Variants in ASTN2 observed in about 807,000 individuals in gnomAD.
ASTN2 encodes the protein astrotactin-2.
A neutral mutation model predicts 139.8 loss-of-function variants in ASTN2; 54 were observed. The observed-to-expected ratio is 0.39, with a 90% CI of 0.31 to 0.48. The LOEUF is 0.48. Ranked by LOEUF, ASTN2 falls within the 20% of genes least tolerant of loss-of-function variation. ASTN2 has a pLI of 0.95. For synonymous variants in ASTN2, 756 were observed against 719.5 expected (o/e 1.05, Z -0.81); for missense variants, 1,565 against 1,725.1 (o/e 0.91, Z 1.64).
chr9:116,790,966 G>GGAAAGAAAGAAAGAAAGAAA (rs1180188046), intron 13 of ASTN2, among the ~76,000 whole-genome samples: 2 of 65,818 alleles, frequency 3.0e-5, no homozygotes, highest in Non-Finnish European at 6.4e-5. Flanking sequence ...AAAGAAAGAA[G>GGAAAGAAAGAAAGAAAGAAA]GAAAGAAAGA....
chr9:116,638,166 T>C (rs543206340), intron 17 of ASTN2, among the ~76,000 whole-genome samples: 10 of 152,144 alleles, frequency 6.6e-5, no homozygotes, highest in South Asian at 2.1e-4. Context: ...AACAATGAAA[T>C]GTAGAGAAGG....
At chr9:116,631,293 T>G (rs1856732109) in intron 17 of ASTN2, among the ~76,000 whole-genome samples, 1 of 152,174 alleles carries the variant, frequency 6.6e-6, no homozygotes, top group African/African-American at 2.4e-5. Flanking sequence ...CTGTTAACAA[T>G]AACCAAGATA....
intron 4 of ASTN2, among the ~76,000 whole-genome samples, chr9:117,115,400 C>T (rs1458923201): frequency 6.6e-6 from 1 of 151,922 alleles, no homozygotes; most frequent in East Asian, 1.9e-4. Flanking sequence ...GCCTGTAGTC[C>T]CAGTTACTAA....
chr9:117,080,024 C>T (rs894416442), intron 5 of ASTN2, among the ~76,000 whole-genome samples: 3 of 152,224 alleles, frequency 2.0e-5, no homozygotes, highest in African/African-American at 7.2e-5. Flanking sequence ...CCAAGGTTCA[C>T]ACCGCGAGGA....
Position 116,423,354 on chromosome 9 carries a change from T to C in ASTN2, c.*2497A>G, listed in dbSNP as rs1847233943. On this transcript the variant is annotated 3_prime_UTR_variant, in exon 23 of 23. Coordinates refer to ENST00000313400, the MANE Select transcript of ASTN2 (RefSeq NM_001365068.1). ...GACTCCACTTTGTTGATGAGAAACC[T>C]GATGTCAAGTTACTCCCTTAAGGGC... Among the ~76,000 whole-genome samples the C allele has an allele frequency of 6.6e-6, 1 of 152,216 alleles. No homozygotes were observed. Among genetic ancestry groups the C allele is most frequent in the African/African-American group, 2.4e-5 (1 of 41,464 alleles).
intron 10 of ASTN2, among the ~76,000 whole-genome samples, chr9:116,876,226 G>T (rs970721522): frequency 6.6e-6 from 1 of 152,148 alleles, no homozygotes; most frequent in African/African-American, 2.4e-5. Context: ...CTTCAGTGGA[G>T]GTAATAATTA....
rs529481759 is a variant in ASTN2, at chr9:116,888,207, T to G, written c.1890-24474A>C. ...CGCTTGATCCTGGGAGGGTCAAGGC[T>G]GCAGTGACCCATTGCTCATACCACT... On this transcript the variant is annotated intron_variant, in intron 10 of 22. Coordinates refer to ENST00000313400, the MANE Select transcript of ASTN2 (RefSeq NM_001365068.1). Among the ~76,000 whole-genome samples the G allele has an allele frequency of 3.4e-4, 52 of 152,184 alleles. No individual in the cohort carries two copies. In the South Asian group the frequency reaches 4.8e-3, roughly 14 times the overall value.
intron 1 of ASTN2, among the ~76,000 whole-genome samples, chr9:117,389,609 C>T (rs1211550387): frequency 2.0e-5 from 3 of 152,146 alleles, no homozygotes; most frequent in Non-Finnish European, 4.4e-5. Flanking sequence ...AGACTTGACA[C>T]TATGGAGGCA....
At chr9:116,530,249 C>A in intron 19 of ASTN2, among the ~76,000 whole-genome samples, 1 of 149,510 alleles carries the variant, frequency 6.7e-6, no homozygotes. Flanking sequence ...AAGCTAGGTA[C>A]TGAAAGACAA....
chr9:117,301,423 T>C (rs1449585456), intron 1 of ASTN2, among the ~76,000 whole-genome samples: 1 of 152,160 alleles, frequency 6.6e-6, no homozygotes, highest in Non-Finnish European at 1.5e-5. Context: ...GGGCTTTCAT[T>C]CATTGTCGCA....
At chr9:117,261,309 G>T (rs1188130913) in intron 2 of ASTN2, among the ~76,000 whole-genome samples, 4 of 152,190 alleles carry the variant, frequency 2.6e-5, no homozygotes, top group African/African-American at 4.8e-5. Context: ...ATTGGGCCAA[G>T]AAGTAGGATG....
In ASTN2 at chr9:116,501,842, T is replaced by TA. The variant is rs547584519; in HGVS notation, c.3356-14343dup. On this transcript the variant is annotated intron_variant, in intron 19 of 22. Coordinates refer to ENST00000313400, the MANE Select transcript of ASTN2 (RefSeq NM_001365068.1). ...CATTGTGCACGCGTACCCTAAAACT[T>TA]AAAGTATAATAATAAAAAAAAAAAA... Among the ~76,000 whole-genome samples the TA allele has an allele frequency of 4.5e-3, 678 of 150,576 alleles. 2 individuals are homozygous for TA. The highest frequency in any genetic ancestry group is 8.1e-3 in the Non-Finnish European group (548 of 67,790).
chr9:117,279,362 G>A (rs950566755), intron 2 of ASTN2, among the ~76,000 whole-genome samples: 4 of 152,174 alleles, frequency 2.6e-5, no homozygotes, highest in Non-Finnish European at 5.9e-5. Flanking sequence ...CTAGACCTTG[G>A]TTTTATCATT....
chr9:117,396,501 C>T (rs928574762), intron 1 of ASTN2, among the ~76,000 whole-genome samples: 1 of 152,052 alleles, frequency 6.6e-6, no homozygotes, highest in African/African-American at 2.4e-5. Context: ...AAATAGTTTA[C>T]TTTTTATTTT....
intron 13 of ASTN2, among the ~76,000 whole-genome samples, chr9:116,764,950 TG>T (rs1275586030): frequency 6.6e-6 from 1 of 152,230 alleles, no homozygotes; most frequent in East Asian, 1.9e-4. Context: ...TATCTGCATG[TG>T]CCTGCATACT....
chr9:117,250,824 T>C (rs1833516813), intron 2 of ASTN2, among the ~76,000 whole-genome samples: 1 of 152,198 alleles, frequency 6.6e-6, no homozygotes, highest in Non-Finnish European at 1.5e-5. Context: ...TACTCTAGCC[T>C]GGGGTGAAAG....
intron 5 of ASTN2, among the ~76,000 whole-genome samples, chr9:117,089,800 T>C (rs1360434060): frequency 6.6e-6 from 1 of 152,080 alleles, no homozygotes; most frequent in East Asian, 1.9e-4. Context: ...ATTCCTGAGA[T>C]ACTTCACTTA....
chr9:116,698,645 T>A lies in ASTN2; in HGVS notation c.2806+27126A>T. The A allele has an allele frequency of 8.7e-6, 14 of 1,614,154 alleles. No individual in the cohort carries two copies. Among genetic ancestry groups the A allele is most frequent in the Non-Finnish European group, 1.2e-5 (14 of 1,180,020 alleles). ...AAGCTGTTAAGAAGCCCCGGACAGT[T>A]AACGTGGAAGATTCCTGGGCCATGG... On this transcript the variant is annotated intron_variant, in intron 16 of 22. Coordinates refer to ENST00000313400, the MANE Select transcript of ASTN2 (RefSeq NM_001365068.1). The surrounding 1 kb of genome is among the most constrained non-coding windows in gnomAD (Gnocchi z 4.4).
intron 1 of ASTN2, among the ~76,000 whole-genome samples, chr9:117,299,589 A>G (rs1416105217): frequency 6.6e-6 from 1 of 152,006 alleles, no homozygotes; most frequent in Non-Finnish European, 1.5e-5. Context: ...CAGTGGGGGG[A>G]ACCGGTATAA....
Sources: gnomAD v4.1 joint callset for allele counts (sites outside exome capture counted in the v4.1 genomes callset) on GRCh38, gnomAD v4.1.1 for gene constraint, Gnocchi (gnomAD v3.1) non-coding constraint, MANE v1.5 for transcripts, NCBI Gene and HGNC (gene_info 2026-07-23, HGNC 2026-07-21) for gene names.